NIBAN2: variants seen among roughly 807,000 people sequenced by gnomAD.
The protein encoded by NIBAN2 is protein Niban 2.
Under a neutral mutation model 81.8 loss-of-function variants are expected in NIBAN2, and 36 were observed. The ratio of observed to expected loss-of-function variants is 0.44; its 90% CI spans 0.34 to 0.58. The LOEUF is 0.58. NIBAN2 is among the 20% of genes least tolerant of loss of function. The pLI is 0.02. For missense variants in NIBAN2, 897 were observed against 1,014.1 expected (o/e 0.88, Z 1.57); for synonymous variants, 445 against 441.6 (o/e 1.01, Z -0.10).
chr9:127,540,788 G>C (rs1312401611), intron 1 of NIBAN2, among the ~76,000 whole-genome samples: 5 of 152,268 alleles, frequency 3.3e-5, no homozygotes, highest in African/African-American at 7.2e-5. Flanking sequence ...CGCCAGCCCT[G>C]GTTTGGCCCC....
At chr9:127,524,957 C>A (rs1313895617) in intron 4 of NIBAN2, 101 bp downstream of exon 4, 24 of 869,846 alleles carry the variant, frequency 2.8e-5, no homozygotes, top group Non-Finnish European at 4.1e-5. Flanking sequence ...GGTCTCTCCG[C>A]AAACATGGGG....
rs374346526 is a variant in NIBAN2, at chr9:127,523,836, T to G, written c.432A>C (p.Ala144=). Residue 144 remains alanine (A), a synonymous_variant, in exon 5 of 14, where the codon GCA becomes GCC. Transcript: ENST00000373312. ...LIGNSLPGTT[A]KSGSAPILKC... ...TGAGGATGGGGGCACTGCCCGACTT[T>G]GCCGTGGTCCCTGTGGAGACAGTGC... 1 of 1,611,166 alleles carries G rather than the reference T, an allele frequency of 6.2e-7. No individual in the cohort carries two copies. The highest frequency in any genetic ancestry group is 8.5e-7 in the Non-Finnish European group (1 of 1,177,658).
intron 1 of NIBAN2, among the ~76,000 whole-genome samples, chr9:127,554,157 C>T (rs1291482011): frequency 6.6e-6 from 1 of 152,208 alleles, no homozygotes; most frequent in African/African-American, 2.4e-5. Flanking sequence ...GCTCTCCTTG[C>T]CCTCATCACA....
At position 127,516,474 on chromosome 9, in the gene NIBAN2, G is replaced by A. The variant is rs377215777; in HGVS notation, c.973+383C>T. Among the ~76,000 whole-genome samples the A allele has an allele frequency of 2.1e-4, 32 of 152,330 alleles. No homozygotes were observed. In the East Asian group the frequency reaches 4.0e-3, roughly 19 times the overall value. On this transcript the variant is annotated intron_variant, in intron 8 of 13. Transcript: ENST00000373312. The stretch of plus-strand genomic sequence containing the variant: ...TGAGGCAGGAGAATTGTTTGAATCC[G>A]GGAGGCGGAGGTTGTGGTGAGCTGA...
At position 127,527,100 on chromosome 9, in the gene NIBAN2, G is replaced by A. The variant is rs951353455; in HGVS notation, c.315+94C>T. 17 of 1,497,618 alleles carry A rather than the reference G, an allele frequency of 1.1e-5. No homozygotes were observed. The Admixed American group carries it at 1.7e-4, about 15-fold the overall frequency. The allele number at this position is 1,497,618 out of a possible 1,614,324, so 92.8% of individuals were successfully genotyped here. ...CTGGTGACCGCGTGCAGGCTGTGAC[G>A]GTGGCGTCTGGGGCCTAAGTTTCCG... On this transcript the variant is annotated intron_variant, in intron 3 of 13. Transcript: ENST00000373312.
At chr9:127,524,187 T>G (rs561932330) in intron 4 of NIBAN2, among the ~76,000 whole-genome samples, 1 of 152,294 alleles carries the variant, frequency 6.6e-6, no homozygotes, top group South Asian at 2.1e-4. Flanking sequence ...CACTACCTTC[T>G]TGGGTTTCCC....
chr9:127,523,785 G>T lies in NIBAN2; in HGVS notation c.483C>A (p.Ile161=). The T allele has an allele frequency of 6.2e-7, 1 of 1,614,122 alleles. No homozygotes were observed. Among genetic ancestry groups the T allele is most frequent in the Non-Finnish European group, 8.5e-7 (1 of 1,180,008 alleles). Residue 161 remains isoleucine, a synonymous_variant, in exon 5 of 14, where the codon ATC becomes ATA. Transcript: ENST00000373312. ...AGTGACGCGCATAAGGATGCCAGAG[G>T]ATGAGCGGGAACTGTGTGGGGCACT... ...ILKCPTQFPL[I]LWHPYARHYY...
At chr9:127,558,158 G>A (rs1309826022) in intron 1 of NIBAN2, among the ~76,000 whole-genome samples, 1 of 152,182 alleles carries the variant, frequency 6.6e-6, no homozygotes, top group South Asian at 2.1e-4. Flanking sequence ...GCGCATAGAC[G>A]GGCCTGGGCT....
At position 127,507,783 on chromosome 9, in the gene NIBAN2, G is replaced by T; in HGVS notation, c.1654+84C>A. ...AGTCTGGGCTTTTCTTTGAGCCTTAGCTGACCCCCTCAGCTGCCACCACTT... is the reference window on the plus strand; with the variant it reads ...AGTCTGGGCTTTTCTTTGAGCCTTATCTGACCCCCTCAGCTGCCACCACTT... On this transcript the variant is annotated intron_variant, in intron 13 of 13. Transcript: ENST00000373312. The surrounding 1 kb of genome is among the most constrained non-coding windows in gnomAD (Gnocchi z 6.8). 1 of 1,268,256 alleles carries T rather than the reference G, an allele frequency of 7.9e-7. No individual in the cohort carries two copies. The highest frequency in any genetic ancestry group is 1.1e-6 in the Non-Finnish European group (1 of 872,048). The allele number at this position is 1,268,256 out of a possible 1,614,324, so 78.6% of individuals were successfully genotyped here.
rs1485197856 is a variant in NIBAN2, at chr9:127,506,718, G to A, written c.*127C>T. On this transcript the variant is annotated 3_prime_UTR_variant, in exon 14 of 14. Transcript: ENST00000373312. ...ACTCAGGTGGGCCCGCTCCCTGGCG[G>A]TGCCACACAGCCCTGCCCCGCCTCC... The A allele has an allele frequency of 2.6e-6, 2 of 772,054 alleles. No homozygotes were observed. Among genetic ancestry groups the A allele is most frequent in the Non-Finnish European group, 3.9e-6 (2 of 512,598 alleles). 47.8% of individuals were successfully genotyped at this position (772,054 alleles called of 1,614,324 possible). A position where few individuals can be genotyped will look rare whatever the true frequency, so the allele number is the denominator to read the frequency against.
intron 5 of NIBAN2, among the ~76,000 whole-genome samples, chr9:127,520,159 C>T (rs563799077): frequency 2.0e-5 from 3 of 152,116 alleles, no homozygotes; most frequent in South Asian, 2.1e-4. Context: ...TGTCTCCACA[C>T]CCCCCAAATT....
At position 127,517,729 on chromosome 9, in the gene NIBAN2, C is replaced by CGCCCCAGA; in HGVS notation, c.705+89_705+96dup. 1.2e-6 allele frequency: 1 copy of CGCCCCAGA among 839,086 alleles called. No individual in the cohort carries two copies. Among genetic ancestry groups the CGCCCCAGA allele is most frequent in the Non-Finnish European group, 2.0e-6 (1 of 512,254 alleles). The allele number at this position is 839,086 out of a possible 1,614,324, so 52.0% of individuals were successfully genotyped here. ...ATGTCATCTCCTTCCAAACCGGCAGCGCCCCAGAGCCCCATCTCTGTACCC... is the reference window on the plus strand; with the variant it reads ...ATGTCATCTCCTTCCAAACCGGCAGCGCCCCAGAGCCCCAGAGCCCCATCTCTGTACCC... On this transcript the variant is annotated intron_variant, in intron 6 of 13. Transcript: ENST00000373312. This position sits in a 1 kb window ranked among gnomAD's most constrained non-coding sequence, Gnocchi z 4.0.
intron 1 of NIBAN2, among the ~76,000 whole-genome samples, chr9:127,547,442 A>G (rs991998576): frequency 1.7e-4 from 26 of 150,768 alleles, no homozygotes; most frequent in East Asian, 2.0e-4. Flanking sequence ...GCTTGAACCT[A>G]GGAAGTGGAG....
chr9:127,509,603 G>A (rs1001447548), intron 9 of NIBAN2, among the ~76,000 whole-genome samples: 17 of 152,062 alleles, frequency 1.1e-4, no homozygotes, highest in Non-Finnish European at 1.6e-4. Flanking sequence ...ACAACTATGC[G>A]GGCTCCGGGC....
At chr9:127,512,386 A>G (rs1178557033) in intron 8 of NIBAN2, among the ~76,000 whole-genome samples, 2 of 151,536 alleles carry the variant, frequency 1.3e-5, no homozygotes, top group East Asian at 1.9e-4. Flanking sequence ...CCCAGGTTCA[A>G]GCAATTCTCA....
In NIBAN2 at chr9:127,516,914, G is replaced by A. The variant is rs746127851; in HGVS notation, c.916C>T (p.Arg306Ter). 3.1e-6 allele frequency: 5 copies of A among 1,614,176 alleles called. No individual in the cohort carries two copies. The highest frequency in any genetic ancestry group is 2.2e-5 in the East Asian group (1 of 44,886). Residue 306 changes from arginine (R) to a stop codon, truncating the protein, a stop_gained, in exon 8 of 14, where the codon CGA becomes TGA. Transcript: ENST00000373312. LOFTEE classifies it high-confidence loss of function. The stretch of plus-strand genomic sequence containing the variant: ...GTGATAATTTGGTCCATGTCAGTTC[G>A]GATGACGGCCTGCATGGCCGGCTGC... ...QVQPAMQAVI[R>*]TDMDQIITSK...
chr9:127,506,745 C>A lies in NIBAN2; in HGVS notation c.*100G>T, dbSNP rs1226775447. The A allele has an allele frequency of 1.7e-6, 2 of 1,157,144 alleles. No homozygotes were observed. The highest frequency in any genetic ancestry group is 5.1e-5 in the East Asian group (2 of 39,314). 71.7% of individuals were successfully genotyped at this position (1,157,144 alleles called of 1,614,324 possible). On this transcript the variant is annotated 3_prime_UTR_variant, in exon 14 of 14. Transcript: ENST00000373312. ...GCCACACAGCCCTGCCCCGCCTCCACCCACAAGGCACAGACCAGGGTGCCC... is the reference window on the plus strand; with the variant it reads ...GCCACACAGCCCTGCCCCGCCTCCAACCACAAGGCACAGACCAGGGTGCCC...
chr9:127,550,511 T>C (rs1201818427), intron 1 of NIBAN2, among the ~76,000 whole-genome samples: 1 of 152,244 alleles, frequency 6.6e-6, no homozygotes, highest in Non-Finnish European at 1.5e-5. Context: ...ACTCATAACA[T>C]ATGCCCAGCA....
rs551140921 is a variant in NIBAN2 at position 127,508,600 on chromosome 9, C to T, written c.1318-62G>A. On this transcript the variant is annotated intron_variant, in intron 10 of 13. Transcript: ENST00000373312. This position sits in a 1 kb window ranked among gnomAD's most constrained non-coding sequence, Gnocchi z 6.4. ...GTGACCACAGCCCCTTCCTGGGTGCCGCTGAGGGGTCCTCATCCTCAACCA... is the reference window on the plus strand; with the variant it reads ...GTGACCACAGCCCCTTCCTGGGTGCTGCTGAGGGGTCCTCATCCTCAACCA... The T allele has an allele frequency of 1.8e-5, 25 of 1,380,526 alleles. No individual in the cohort carries two copies. Among genetic ancestry groups the T allele is most frequent in the Non-Finnish European group, 2.4e-5 (23 of 973,118 alleles). The allele number at this position is 1,380,526 out of a possible 1,614,324, so 85.5% of individuals were successfully genotyped here.
Sources: allele counts gnomAD v4.1 joint callset (sites outside exome capture counted in the v4.1 genomes callset), GRCh38; gene constraint gnomAD v4.1.1; non-coding constraint Gnocchi (gnomAD v3.1); transcripts MANE v1.5; gene names NCBI Gene and HGNC (gene_info 2026-07-23, HGNC 2026-07-21).